Variants in VDAC1 observed in about 807,000 individuals in gnomAD.
VDAC1 encodes voltage dependent anion channel 1.
VDAC1 carries 10 observed loss-of-function variants against 34.7 expected under a neutral mutation model. The ratio of observed to expected loss-of-function variants is 0.29; its 90% CI spans 0.18 to 0.49. The LOEUF (loss-of-function observed/expected upper bound fraction) is 0.49. VDAC1 is among the 20% of genes least tolerant of loss of function. VDAC1 has a pLI of 0.99. For synonymous variants in VDAC1, 130 were observed against 136.0 expected, an observed-to-expected ratio of 0.96 and a Z score of 0.30; for missense variants, 230 against 347.9, an observed-to-expected ratio of 0.66 and a Z score of 2.69.
the VDAC1 span, among the ~76,000 whole-genome samples, chr5:134,048,487 G>A: frequency 1.4e-5 from 2 of 147,978 alleles, no homozygotes; most frequent in East Asian, 2.1e-4. Flanking sequence ...GGCTGGTCTC[G>A]AACTCCTACT....
chr5:134,006,748 C>CCCA (rs1554093774), upstream of VDAC1, among the ~76,000 whole-genome samples: 9 of 80,214 alleles, frequency 1.1e-4, no homozygotes, highest in Non-Finnish European at 1.4e-4. Flanking sequence ...CCCCCCCCCC[C>CCCA]AAAAAAAAAA....
the VDAC1 span, among the ~76,000 whole-genome samples, chr5:134,053,217 C>G: frequency 5.8e-4 from 88 of 152,332 alleles, no homozygotes; most frequent in Middle Eastern, 3.4e-3. Context: ...CAAATCCAGG[C>G]CCTGCTAACA....
chr5:134,057,479 CA>C, the VDAC1 span, among the ~76,000 whole-genome samples: 75 of 119,596 alleles, frequency 6.3e-4, no homozygotes, highest in African/African-American at 1.5e-3. Flanking sequence ...GGCTCCGTCT[CA>C]AAAAAAAAAA....
the VDAC1 span, among the ~76,000 whole-genome samples, chr5:134,034,999 C>T: frequency 6.6e-6 from 1 of 151,878 alleles, no homozygotes; most frequent in African/African-American, 2.4e-5. Context: ...TCTGTCTGAA[C>T]ATACACTTCC....
At chr5:133,997,941 C>T (rs982692484) in intron 1 of VDAC1, among the ~76,000 whole-genome samples, 1 of 151,922 alleles carries the variant, frequency 6.6e-6, no homozygotes, top group African/African-American at 2.4e-5. Flanking sequence ...GTGGCGCATG[C>T]CTGTAATCCC....
chr5:134,095,400 T>C, the VDAC1 span, among the ~76,000 whole-genome samples: 1 of 151,990 alleles, frequency 6.6e-6, no homozygotes, highest in Non-Finnish European at 1.5e-5. Context: ...GGGTGATTGC[T>C]TGAGCCCAGG....
At chr5:134,030,525 A>T in the VDAC1 span, among the ~76,000 whole-genome samples, 1 of 152,056 alleles carries the variant, frequency 6.6e-6, no homozygotes, top group South Asian at 2.1e-4. Flanking sequence ...TGAAAGCTCT[A>T]ATAATAAGAA....
chr5:134,057,643 T>C, the VDAC1 span, among the ~76,000 whole-genome samples: 2 of 151,166 alleles, frequency 1.3e-5, no homozygotes, highest in Non-Finnish European at 2.9e-5. Context: ...GAGCAGAGAT[T>C]GCACTATTGC....
At chr5:134,062,923 G>A in the VDAC1 span, among the ~76,000 whole-genome samples, 38 of 146,122 alleles carry the variant, frequency 2.6e-4, 1 homozygote, top group African/African-American at 5.4e-4. Context: ...CACTGCACCC[G>A]GCCTGAATTT....
At chr5:134,045,267 C>T in the VDAC1 span, among the ~76,000 whole-genome samples, 8 of 152,336 alleles carry the variant, frequency 5.3e-5, no homozygotes, top group Non-Finnish European at 1.0e-4. Context: ...TGGCCAGCCA[C>T]GCCAGTTATC....
At chr5:134,021,876 A>ATTTT in the VDAC1 span, among the ~76,000 whole-genome samples, 3 of 133,230 alleles carry the variant, frequency 2.3e-5, no homozygotes, top group Non-Finnish European at 3.1e-5. Context: ...AAAGCCTGTG[A>ATTTT]TTTTTTTTTT....
At chr5:134,012,174 G>A in the VDAC1 span, among the ~76,000 whole-genome samples, 1 of 152,188 alleles carries the variant, frequency 6.6e-6, no homozygotes, top group Non-Finnish European at 1.5e-5. Context: ...AGCTGAAAAA[G>A]ACAAGGAAAC....
chr5:133,997,023 GCCA>G (rs1487508401), intron 1 of VDAC1, among the ~76,000 whole-genome samples: 1 of 152,094 alleles, frequency 6.6e-6, no homozygotes, highest in Non-Finnish European at 1.5e-5. Context: ...TATTCTAAGG[GCCA>G]CCAAGAGCCA....
Position 133,991,129 on chromosome 5 carries a change from T to C in VDAC1, c.143A>G (p.Asn48Ser), listed in dbSNP as rs1306915736. The part of the protein sequence containing the change: ...GLEFTSSGSA[N>S]TETTKVTGSL... The stretch of plus-strand genomic sequence containing the variant: ...GCCCGTCACTTTGGTGGTCTCAGTG[T>C]TGGCTGAGCCTGAGCTTGTAAATTC... Residue 48 changes from asparagine (N) to serine (S), a missense_variant, in exon 4 of 9, where the codon AAC becomes AGC. Coordinates refer to ENST00000265333, the MANE Select transcript of VDAC1 (RefSeq NM_003374.3). 1.2e-6 allele frequency: 2 copies of C among 1,612,808 alleles called. No individual in the cohort carries two copies. The highest frequency in any genetic ancestry group is 1.3e-5 in the African/African-American group (1 of 75,048).
chr5:134,037,024 T>C, the VDAC1 span, among the ~76,000 whole-genome samples: 1 of 150,782 alleles, frequency 6.6e-6, no homozygotes, highest in Non-Finnish European at 1.5e-5. Flanking sequence ...AATATGACAT[T>C]ATTAGCAGTT....
chr5:134,112,454 C>G, the VDAC1 span, among the ~76,000 whole-genome samples: 7 of 152,120 alleles, frequency 4.6e-5, no homozygotes, highest in African/African-American at 1.7e-4. Flanking sequence ...GTGACTCAGC[C>G]CTTCTCTCCC....
At chr5:133,997,986 C>T (rs1753392948) in intron 1 of VDAC1, among the ~76,000 whole-genome samples, 2 of 150,224 alleles carry the variant, frequency 1.3e-5, no homozygotes, top group Non-Finnish European at 3.0e-5. Context: ...AGAATTGCCT[C>T]AACCTGGGAG....
the VDAC1 span, among the ~76,000 whole-genome samples, chr5:134,094,695 CAAAAAAAAA>C: frequency 2.9e-5 from 2 of 68,504 alleles, no homozygotes; most frequent in African/African-American, 6.3e-5. Context: ...GACTCCGTCT[CAAAAAAAAA>C]AAAAAAAAAA....
At chr5:133,991,493 C>T (rs760498302) in intron 3 of VDAC1, among the ~76,000 whole-genome samples, 8 of 152,188 alleles carry the variant, frequency 5.3e-5, no homozygotes, top group Non-Finnish European at 8.8e-5. Context: ...AATTCAAACC[C>T]AAAACTTCTT....
Sources: allele counts gnomAD v4.1 joint callset (sites outside exome capture counted in the v4.1 genomes callset), GRCh38; gene constraint gnomAD v4.1.1; transcripts MANE v1.5; gene names NCBI Gene and HGNC (gene_info 2026-07-23, HGNC 2026-07-21).